The following ERC2 variants were observed in gnomAD, a reference collection of about 807,000 sequenced individuals.
The protein encoded by ERC2 is ELKS/RAB6-interacting/CAST family member 2.
Under a neutral mutation model 114.8 loss-of-function variants are expected in ERC2, and 42 were observed. The ratio of observed to expected loss-of-function variants is 0.37; its 90% CI spans 0.29 to 0.47. ERC2 has a LOEUF of 0.47. Among genes scored for constraint, ERC2 ranks in the 20% least tolerant of loss-of-function variants. The pLI, the probability that ERC2 is intolerant of heterozygous loss-of-function variation, is 0.99. For missense variants in ERC2, 939 were observed against 1,150.7 expected (o/e 0.82, Z 2.66); for synonymous variants, 454 against 425.5 (o/e 1.07, Z -0.82).
At chr3:55,518,796 A>G (rs749115588) in intron 17 of ERC2, among the ~76,000 whole-genome samples, 1 of 152,244 alleles carries the variant, frequency 6.6e-6, no homozygotes, top group Non-Finnish European at 1.5e-5. Flanking sequence ...CAGAATAACC[A>G]CACGTTGTGT....
chr3:56,173,586 C>G, intron 3 of ERC2, 66 bp from the exon 4 acceptor site: 1 of 1,478,552 alleles, frequency 6.8e-7, no homozygotes, highest in Middle Eastern at 1.8e-4. Context: ...AACCTTTACA[C>G]AGGTACTACA....
intron 1 of ERC2, among the ~76,000 whole-genome samples, chr3:56,436,799 C>T (rs2062040604): frequency 6.6e-6 from 1 of 152,206 alleles, no homozygotes. Context: ...CAAGATAGAG[C>T]TGTGAGTACT....
intron 15 of ERC2, among the ~76,000 whole-genome samples, chr3:55,731,058 A>G (rs2065226194): frequency 6.6e-6 from 1 of 152,164 alleles, no homozygotes; most frequent in Non-Finnish European, 1.5e-5. Context: ...CTTCACTGAT[A>G]TCTATGTGTG....
chr3:56,177,442 T>A (rs1252918340), intron 3 of ERC2, among the ~76,000 whole-genome samples: 2 of 152,248 alleles, frequency 1.3e-5, no homozygotes, highest in Non-Finnish European at 2.9e-5. Context: ...TTTAACTTAC[T>A]GTGATAGTTT....
intron 1 of ERC2, among the ~76,000 whole-genome samples, chr3:56,446,530 G>A (rs377515478): frequency 7.2e-5 from 11 of 152,052 alleles, no homozygotes; most frequent in African/African-American, 2.7e-4. Flanking sequence ...TCATTTATAA[G>A]GTATTCCCAG....
chr3:56,331,229 T>A (rs2150456340), intron 2 of ERC2, among the ~76,000 whole-genome samples: 1 of 152,222 alleles, frequency 6.6e-6, no homozygotes, highest in African/African-American at 2.4e-5. Flanking sequence ...CCTGCTAAAG[T>A]TCTTCATCCC....
chr3:56,227,303 C>G (rs1022292112), intron 3 of ERC2, among the ~76,000 whole-genome samples: 3 of 151,966 alleles, frequency 2.0e-5, no homozygotes, highest in Admixed American at 1.3e-4. Flanking sequence ...TGCATCGGTT[C>G]CTGGGCAGTT....
intron 14 of ERC2, among the ~76,000 whole-genome samples, chr3:55,850,152 T>C (rs1473470236): frequency 6.6e-6 from 1 of 152,238 alleles, no homozygotes; most frequent in Non-Finnish European, 1.5e-5. Context: ...ACTTCTGGTC[T>C]GTGTCTCTGT....
chr3:56,385,231 G>A (rs778990624), intron 2 of ERC2, among the ~76,000 whole-genome samples: 1 of 152,136 alleles, frequency 6.6e-6, no homozygotes, highest in Non-Finnish European at 1.5e-5. Flanking sequence ...TTTGATGTCT[G>A]CTGAGGGGTT....
intron 6 of ERC2, among the ~76,000 whole-genome samples, chr3:56,105,031 A>C (rs2078573579): frequency 6.6e-6 from 1 of 152,046 alleles, no homozygotes; most frequent in African/African-American, 2.4e-5. Flanking sequence ...TGAAGGAGGC[A>C]AGAGAGTTTG....
chr3:56,184,179 T>A (rs1408510131), intron 3 of ERC2, among the ~76,000 whole-genome samples: 1 of 152,184 alleles, frequency 6.6e-6, no homozygotes, highest in Non-Finnish European at 1.5e-5. Context: ...TTAGATGTTA[T>A]GGTCCTGGAA....
chr3:56,272,780 A>G (rs1576206348), intron 3 of ERC2, among the ~76,000 whole-genome samples: 1 of 152,310 alleles, frequency 6.6e-6, no homozygotes, highest in East Asian at 1.9e-4. Context: ...ATAAAAAACA[A>G]AGAAAGAAAT....
At chr3:55,947,757 T>A (rs2067224567) in intron 13 of ERC2, among the ~76,000 whole-genome samples, 1 of 152,216 alleles carries the variant, frequency 6.6e-6, no homozygotes, top group Non-Finnish European at 1.5e-5. Flanking sequence ...CTATTGGTAC[T>A]AAAAAGCCAC....
At chr3:55,874,709 G>A (rs1007993324) in intron 14 of ERC2, among the ~76,000 whole-genome samples, 12 of 152,118 alleles carry the variant, frequency 7.9e-5, no homozygotes, top group African/African-American at 2.4e-4. Flanking sequence ...GACTTCCATG[G>A]AGAAGCTACA....
intron 16 of ERC2, among the ~76,000 whole-genome samples, chr3:55,689,371 A>G (rs776294851): frequency 1.3e-5 from 2 of 152,156 alleles, no homozygotes; most frequent in Non-Finnish European, 2.9e-5. Flanking sequence ...CAGTTCATTC[A>G]GCTCAAGGAC....
chr3:56,078,484 G>A (rs1351630910), intron 7 of ERC2, among the ~76,000 whole-genome samples: 1 of 152,132 alleles, frequency 6.6e-6, no homozygotes, highest in East Asian at 1.9e-4. Flanking sequence ...ACTCACTTAT[G>A]AAAAGACAAA....
chr3:56,311,237 CTCTCT>C (rs2056531007), intron 2 of ERC2, among the ~76,000 whole-genome samples: 1 of 16,374 alleles, frequency 6.1e-5, no homozygotes, highest in Admixed American at 8.9e-4. Flanking sequence ...CATCTTCTCT[CTCTCT>C]CTCTCTCTCT....
At position 55,598,317 on chromosome 3, in the gene ERC2, C is replaced by T. The variant is rs1256908036; in HGVS notation, c.*39+85477G>A. On this transcript the variant is annotated intron_variant, in intron 17 of 17. Coordinates refer to ENST00000288221, the MANE Select transcript of ERC2 (RefSeq NM_015576.3). ...ATTGACTCAAAATCAGCTGTGTGGC[C>T]ATATTATCAGCCCAATAGTTAAAGA... Among the ~76,000 whole-genome samples the T allele has an allele frequency of 2.0e-5, 3 of 152,250 alleles. No homozygotes were observed. The East Asian group carries it at 5.8e-4, about 29-fold the overall frequency.
chr3:55,982,967 G>A (rs142721152), intron 12 of ERC2, among the ~76,000 whole-genome samples: 9 of 152,320 alleles, frequency 5.9e-5, no homozygotes, highest in East Asian at 3.9e-4. Context: ...ACGAGCTCAC[G>A]CCTGCTGCCA....
Sources: gnomAD v4.1 joint callset for allele counts (sites outside exome capture counted in the v4.1 genomes callset) on GRCh38, gnomAD v4.1.1 for gene constraint, MANE v1.5 for transcripts, NCBI Gene and HGNC (gene_info 2026-07-23, HGNC 2026-07-21) for gene names.